Variants in LIMK2 observed in about 807,000 individuals in gnomAD.
LIMK2 encodes LIM domain kinase 2.
In LIMK2, 35 loss-of-function variants were observed where a neutral mutation model predicts 75.7. The ratio of observed to expected loss-of-function variants is 0.46; its 90% CI spans 0.35 to 0.61. The LOEUF (loss-of-function observed/expected upper bound fraction) is 0.61, where lower values mean the gene tolerates loss of function less well. Ranked by LOEUF, LIMK2 falls within the 20% of genes least tolerant of loss-of-function variation. The pLI, the probability that LIMK2 is intolerant of heterozygous loss-of-function variation, is 0.00. For synonymous variants in LIMK2, 301 were observed against 319.2 expected (o/e 0.94, Z 0.61); for missense variants, 623 against 831.0 (o/e 0.75, Z 3.08).
At chr22:31,235,373 G>A (rs1374681160) in intron 2 of LIMK2, among the ~76,000 whole-genome samples, 9 of 152,224 alleles carry the variant, frequency 5.9e-5, no homozygotes, top group Non-Finnish European at 1.0e-4. Context: ...TTGCCTGCAA[G>A]TGTCAGGGTG....
Position 31,267,080 on chromosome 22 carries a change from T to C in LIMK2, c.1128+10T>C, listed in dbSNP as rs9606828. Reference sequence around the variant, plus strand: ...AACTTTTCTGACTGAGGTAAGAAGATGGAGGGGGCCCGGGAGGTTGGTGTC... The same window carrying C: ...AACTTTTCTGACTGAGGTAAGAAGACGGAGGGGGCCCGGGAGGTTGGTGTC... On this transcript the variant is annotated intron_variant, in intron 9 of 15. Coordinates refer to ENST00000331728, the MANE Select transcript of LIMK2 (RefSeq NM_005569.4). The C allele has an allele frequency of 0.049, 75,637 of 1,553,358 alleles. 2,135 individuals are homozygous for C. The highest frequency in any genetic ancestry group is 0.058 in the Non-Finnish European group (65,213 of 1,129,716).
intron 2 of LIMK2, among the ~76,000 whole-genome samples, chr22:31,226,581 A>G (rs936099124): frequency 5.1e-4 from 77 of 151,350 alleles, no homozygotes; most frequent in African/African-American, 1.8e-3. Context: ...ACTTTTTGTT[A>G]CTAGCTTTAT....
intron 2 of LIMK2, among the ~76,000 whole-genome samples, chr22:31,242,531 T>C (rs2048631771): frequency 6.6e-6 from 1 of 152,236 alleles, no homozygotes; most frequent in African/African-American, 2.4e-5. Flanking sequence ...CAACATATTT[T>C]CTTTTTTCAA....
intron 2 of LIMK2, among the ~76,000 whole-genome samples, chr22:31,234,744 T>G (rs1442384416): frequency 6.9e-6 from 1 of 144,960 alleles, no homozygotes; most frequent in Non-Finnish European, 1.5e-5. Flanking sequence ...AAAAAAAAAT[T>G]CCTTAATTTG....
At chr22:31,233,097 T>C (rs954626839) in intron 2 of LIMK2, among the ~76,000 whole-genome samples, 4 of 152,178 alleles carry the variant, frequency 2.6e-5, no homozygotes. Context: ...CAAACTGCAC[T>C]AAGGGTTGTA....
Position 31,268,166 on chromosome 22 carries a change from A to G in LIMK2, c.1283A>G (p.Lys428Arg), listed in dbSNP as rs753018095. The G allele has an allele frequency of 4.3e-6, 7 of 1,613,968 alleles. No homozygotes were observed. The East Asian group carries it at 1.6e-4, about 36-fold the overall frequency. Residue 428 changes from lysine (K) to arginine (R), a missense_variant, in exon 11 of 16, where the codon AAG (lysine) becomes AGG (arginine). This residue lies in a region of LIMK2 where 514 missense variants were observed against 661.3 expected (regional missense o/e 0.78). Coordinates refer to ENST00000331728, the MANE Select transcript of LIMK2 (RefSeq NM_005569.4). ...CAGGATCCGTTCCCCTGGCAGCAGA[A>G]GGTCAGGTTTGCCAAAGGAATCGCC... is the stretch of plus-strand genomic sequence containing the variant. ...RSMDPFPWQQ[K>R]VRFAKGIASG...
chr22:31,249,096 T>C (rs796529908), intron 2 of LIMK2, among the ~76,000 whole-genome samples: 1 of 152,180 alleles, frequency 6.6e-6, no homozygotes, highest in African/African-American at 2.4e-5. Context: ...ATAGCCCAAA[T>C]AGAGTGCTGT....
intron 7 of LIMK2, among the ~76,000 whole-genome samples, chr22:31,265,029 T>TA (rs1052961435): frequency 2.0e-5 from 3 of 151,266 alleles, no homozygotes; most frequent in Non-Finnish European, 4.4e-5. Flanking sequence ...CCATCTCTAC[T>TA]AAAAAAATAC....
intron 14 of LIMK2, among the ~76,000 whole-genome samples, chr22:31,274,746 T>C (rs2048995962): frequency 6.6e-6 from 1 of 152,206 alleles, no homozygotes; most frequent in Admixed American, 6.5e-5. Context: ...TAATATTAAT[T>C]GAACACCTCT....
At chr22:31,276,460 G>GGCC (rs2049017516) in intron 15 of LIMK2, among the ~76,000 whole-genome samples, 1 of 149,280 alleles carries the variant, frequency 6.7e-6, no homozygotes, top group Non-Finnish European at 1.5e-5. Context: ...CTTCGGCGGC[G>GGCC]GCAGCCCCGG....
intron 1 of LIMK2, among the ~76,000 whole-genome samples, chr22:31,215,609 A>G (rs1328331249): frequency 6.6e-6 from 1 of 152,250 alleles, no homozygotes. Flanking sequence ...CTTAAGACGT[A>G]CAGGGTCTGG....
intron 2 of LIMK2, among the ~76,000 whole-genome samples, chr22:31,249,528 C>T (rs1228304539): frequency 6.6e-6 from 1 of 152,178 alleles, no homozygotes; most frequent in East Asian, 1.9e-4. Flanking sequence ...CCCACTCCAC[C>T]TCCCATAGAA....
intron 2 of LIMK2, among the ~76,000 whole-genome samples, chr22:31,236,961 A>AATAAT (rs1485579366): frequency 1.3e-5 from 2 of 149,786 alleles, no homozygotes; most frequent in Non-Finnish European, 3.0e-5. Flanking sequence ...AATAAAATAA[A>AATAAT]ATAAAAAAAT....
chr22:31,273,897 C>A (rs1417914394), intron 14 of LIMK2, among the ~76,000 whole-genome samples: 1 of 151,922 alleles, frequency 6.6e-6, no homozygotes, highest in Non-Finnish European at 1.5e-5. Context: ...AGGGTTTCAC[C>A]ATGTTGGCCA....
At chr22:31,223,159 T>A (rs2048450923) in intron 1 of LIMK2, among the ~76,000 whole-genome samples, 1 of 152,066 alleles carries the variant, frequency 6.6e-6, no homozygotes, top group South Asian at 2.1e-4. Flanking sequence ...AGAGAGACAT[T>A]TGGAAAGTGA....
At chr22:31,241,338 T>G (rs1156900448) in intron 2 of LIMK2, among the ~76,000 whole-genome samples, 1 of 152,250 alleles carries the variant, frequency 6.6e-6, no homozygotes, top group Non-Finnish European at 1.5e-5. Context: ...TTCCTAGACC[T>G]GTGACCTTAA....
intron 2 of LIMK2, among the ~76,000 whole-genome samples, chr22:31,241,381 C>T (rs923310655): frequency 1.3e-5 from 2 of 152,222 alleles, no homozygotes; most frequent in Admixed American, 1.3e-4. Flanking sequence ...TTAGTTCCCT[C>T]AGGAACGGCT....
intron 1 of LIMK2, among the ~76,000 whole-genome samples, chr22:31,216,007 A>G (rs1025705173): frequency 6.6e-6 from 1 of 152,178 alleles, no homozygotes; most frequent in Admixed American, 6.5e-5. Context: ...TCCCTCATGT[A>G]GTGTATGTTC....
chr22:31,257,212 C>T (rs1036584830), intron 2 of LIMK2, among the ~76,000 whole-genome samples: 6 of 151,708 alleles, frequency 4.0e-5, no homozygotes, highest in South Asian at 2.1e-4. Flanking sequence ...CTAACATGTA[C>T]ATCTTACACA....
Sources: gnomAD v4.1 joint callset for allele counts (sites outside exome capture counted in the v4.1 genomes callset) on GRCh38, gnomAD v4.1.1 for gene constraint, gnomAD v4.1.1 regional missense constraint, MANE v1.5 for transcripts, NCBI Gene and HGNC (gene_info 2026-07-23, HGNC 2026-07-21) for gene names.